The following SLC7A14 variants were observed in gnomAD, a reference collection of about 807,000 sequenced individuals.
SLC7A14 encodes the protein solute carrier family 7 member 14.
In SLC7A14, 37 loss-of-function variants were observed where a neutral mutation model predicts 60.2. The observed-to-expected ratio is 0.61, with a 90% CI of 0.47 to 0.81. The LOEUF is 0.81. Ranked by LOEUF, SLC7A14 falls within the 30% of genes least tolerant of loss-of-function variation. The pLI is 0.00. For synonymous variants in SLC7A14, 399 were observed against 395.8 expected, an observed-to-expected ratio of 1.01 and a Z score of -0.10; for missense variants, 886 against 982.7, an observed-to-expected ratio of 0.90 and a Z score of 1.32.
At chr3:170,516,681 C>A (rs1298599017) in intron 2 of SLC7A14, among the ~76,000 whole-genome samples, 1 of 152,144 alleles carries the variant, frequency 6.6e-6, no homozygotes, top group Non-Finnish European at 1.5e-5. Context: ...TTGGGAGGAT[C>A]ACTCGGGCCC....
chr3:170,557,649 T>G (rs765798094), intron 1 of SLC7A14, among the ~76,000 whole-genome samples: 14 of 152,222 alleles, frequency 9.2e-5, no homozygotes, highest in Non-Finnish European at 1.6e-4. Context: ...TGACCAGCTG[T>G]GCGATCTTGT....
chr3:170,517,632 A>C (rs974437505), intron 2 of SLC7A14, among the ~76,000 whole-genome samples: 1 of 152,198 alleles, frequency 6.6e-6, no homozygotes, highest in African/African-American at 2.4e-5. Context: ...ACTCAAACCC[A>C]AGATGAATAC....
At chr3:170,516,702 G>A (rs534157882) in intron 2 of SLC7A14, among the ~76,000 whole-genome samples, 1 of 152,166 alleles carries the variant, frequency 6.6e-6, no homozygotes, top group Non-Finnish European at 1.5e-5. Flanking sequence ...AGGAGTTTGA[G>A]GCTGCAGGGA....
intron 1 of SLC7A14, among the ~76,000 whole-genome samples, chr3:170,564,124 G>T (rs766177602): frequency 6.6e-6 from 1 of 152,198 alleles, no homozygotes; most frequent in African/African-American, 2.4e-5. Flanking sequence ...CTCCAGTGTC[G>T]TCAGAGAGTG....
chr3:170,538,355 G>T (rs185025218), intron 1 of SLC7A14, among the ~76,000 whole-genome samples: 6 of 152,220 alleles, frequency 3.9e-5, no homozygotes, highest in Admixed American at 6.5e-5. Context: ...TTGCTCTTGT[G>T]GGGGCTGGCC....
intron 2 of SLC7A14, among the ~76,000 whole-genome samples, chr3:170,505,498 T>C (rs959375639): frequency 9.2e-5 from 14 of 152,240 alleles, no homozygotes; most frequent in African/African-American, 3.4e-4. Context: ...TAACCATCTC[T>C]AGTTTTCATC....
chr3:170,463,122 GTGTGACA>G lies in SLC7A14; in HGVS notation c.*3926_*3932del, dbSNP rs1739641255. 1 of 152,148 alleles carries G rather than the reference GTGTGACA, an allele frequency of 6.6e-6. No homozygotes were observed. The highest frequency in any genetic ancestry group is 1.5e-5 in the Non-Finnish European group (1 of 68,050). 9.4% of individuals were successfully genotyped at this position (152,148 alleles called of 1,614,324 possible). The stretch of plus-strand genomic sequence containing the variant: ...CACCCGAGGAAAGCCAGTCAGCTCA[GTGTGACA>G]TTCAAGTCTCTCTGTGAGTGATCCC... On this transcript the variant is annotated 3_prime_UTR_variant, in exon 8 of 8. Transcript: ENST00000231706.
At chr3:170,543,382 G>T (rs1714079295) in intron 1 of SLC7A14, among the ~76,000 whole-genome samples, 1 of 152,158 alleles carries the variant, frequency 6.6e-6, no homozygotes, top group South Asian at 2.1e-4. Context: ...GGGTGCAGTG[G>T]CTTACTCCTG....
At position 170,535,157 on chromosome 3, in the gene SLC7A14, C is replaced by A. The variant is rs1713800715; in HGVS notation, c.-152-8069G>T. ...ATGTGTGGCCACAGTCTGGCATCAC[C>A]TTCCACTCTTCTCCCGCAGATCAGG... is the stretch of plus-strand genomic sequence containing the variant. On this transcript the variant is annotated intron_variant, in intron 1 of 7. Transcript: ENST00000231706. The surrounding 1 kb of genome is among the most constrained non-coding windows in gnomAD (Gnocchi z 4.3). Among the ~76,000 whole-genome samples the A allele has an allele frequency of 1.3e-5, 2 of 151,952 alleles. No homozygotes were observed. The highest frequency in any genetic ancestry group is 4.2e-4 in the South Asian group (2 of 4,818).
chr3:170,546,962 A>T (rs1004871798), intron 1 of SLC7A14, among the ~76,000 whole-genome samples: 1 of 152,214 alleles, frequency 6.6e-6, no homozygotes, highest in Admixed American at 6.5e-5. Context: ...TTTAAAAATA[A>T]TAATGTCCAG....
chr3:170,539,442 A>G (rs929286846), intron 1 of SLC7A14, among the ~76,000 whole-genome samples: 3 of 151,852 alleles, frequency 2.0e-5, no homozygotes, highest in African/African-American at 4.8e-5. Context: ...CTGTGCATCT[A>G]TCTATGTATC....
Position 170,467,525 on chromosome 3 carries a change from G to C in SLC7A14, c.1994-148C>G, listed in dbSNP as rs1577488701. On this transcript the variant is annotated intron_variant, in intron 7 of 7. Transcript: ENST00000231706. The stretch of plus-strand genomic sequence containing the variant: ...ATGTATTTTCTTTGCTTTATGTGGT[G>C]TTTTGAAAATACTTGAATTAGATGC... 7 of 620,522 alleles carry C rather than the reference G, an allele frequency of 1.1e-5. No homozygotes were observed. The South Asian group carries it at 2.6e-4, about 23-fold the overall frequency. 38.4% of individuals were successfully genotyped at this position (620,522 alleles called of 1,614,324 possible). A position where few individuals can be genotyped will look rare whatever the true frequency, so the allele number is the denominator to read the frequency against.
chr3:170,514,061 C>A (rs1713072085), intron 2 of SLC7A14, among the ~76,000 whole-genome samples: 1 of 152,214 alleles, frequency 6.6e-6, no homozygotes, highest in African/African-American at 2.4e-5. Flanking sequence ...CTTTTCTCTC[C>A]TTGCACCCCT....
intron 3 of SLC7A14, 115 bp downstream of exon 3, chr3:170,500,994 A>C: frequency 1.2e-6 from 1 of 869,502 alleles, no homozygotes; most frequent in Middle Eastern, 2.3e-4. Flanking sequence ...AAAGAAAAAG[A>C]GAGATATATT....
chr3:170,461,628 T>G lies in SLC7A14; in HGVS notation c.*5427A>C. The G allele has an allele frequency of 6.6e-6, 1 of 152,312 alleles. No individual in the cohort carries two copies. The highest frequency in any genetic ancestry group is 1.9e-4 in the East Asian group (1 of 5,202). 9.4% of individuals were successfully genotyped at this position (152,312 alleles called of 1,614,324 possible). On this transcript the variant is annotated 3_prime_UTR_variant, in exon 8 of 8. Coordinates refer to ENST00000231706, the MANE Select transcript of SLC7A14 (RefSeq NM_020949.3). ...CCTTGGTGAAACTTCAGCTTTCTGG[T>G]TCCTGCGTGTGGTGGGGCCTGCGGT...
At chr3:170,517,647 A>T (rs1477234209) in intron 2 of SLC7A14, among the ~76,000 whole-genome samples, 1 of 152,202 alleles carries the variant, frequency 6.6e-6, no homozygotes, top group East Asian at 1.9e-4. Context: ...GAATACTGGA[A>T]TGGGGAGCCT....
chr3:170,527,069 C>T lies in SLC7A14; in HGVS notation c.-133G>A. ...AAGGCCCAGAGGGACCCAGTGCAGCCTTCTCCTGGGCATGAATGTCTGCAG... is the reference window on the plus strand; with the variant it reads ...AAGGCCCAGAGGGACCCAGTGCAGCTTTCTCCTGGGCATGAATGTCTGCAG... On this transcript the variant is annotated 5_prime_UTR_variant, in exon 2 of 8. Coordinates refer to ENST00000231706, the MANE Select transcript of SLC7A14 (RefSeq NM_020949.3). 1.1e-6 allele frequency: 1 copy of T among 924,456 alleles called. No homozygotes were observed. The highest frequency in any genetic ancestry group is 1.6e-6 in the Non-Finnish European group (1 of 631,670). The allele number at this position is 924,456 out of a possible 1,614,324, so 57.3% of individuals were successfully genotyped here. A position where few individuals can be genotyped will look rare whatever the true frequency, so the allele number is the denominator to read the frequency against.
rs552701741 is a variant in SLC7A14, at chr3:170,515,831, C to T, written c.304+10802G>A. Among the ~76,000 whole-genome samples the T allele has an allele frequency of 2.6e-5, 4 of 152,226 alleles. No homozygotes were observed. The East Asian group carries it at 7.7e-4, about 29-fold the overall frequency. ...GAGCTGGAATCAGACCTCAGGTGTCCCGACTTCTGACGCAGGCCTGATTGT... is the reference window on the plus strand; with the variant it reads ...GAGCTGGAATCAGACCTCAGGTGTCTCGACTTCTGACGCAGGCCTGATTGT... On this transcript the variant is annotated intron_variant, in intron 2 of 7. Coordinates refer to ENST00000231706, the MANE Select transcript of SLC7A14 (RefSeq NM_020949.3).
chr3:170,574,723 A>G (rs1355973089), intron 1 of SLC7A14, among the ~76,000 whole-genome samples: 1 of 152,248 alleles, frequency 6.6e-6, no homozygotes, highest in East Asian at 1.9e-4. Flanking sequence ...AGCACATGCA[A>G]TCAGTCATTT....
Sources: gnomAD v4.1 joint callset for allele counts (sites outside exome capture counted in the v4.1 genomes callset) on GRCh38, gnomAD v4.1.1 for gene constraint, Gnocchi (gnomAD v3.1) non-coding constraint, MANE v1.5 for transcripts, NCBI Gene and HGNC (gene_info 2026-07-23, HGNC 2026-07-21) for gene names.